The following KYAT3 variants were observed in gnomAD, a reference collection of about 807,000 sequenced individuals.
The protein encoded by KYAT3 is kynurenine aminotransferase 3.
Under a neutral mutation model 59.0 loss-of-function variants are expected in KYAT3, and 50 were observed. The observed-to-expected ratio is 0.85, with a 90% confidence interval of 0.68 to 1.07. The LOEUF (loss-of-function observed/expected upper bound fraction) is 1.07, where lower values mean the gene tolerates loss of function less well. KYAT3 is among the 50% of genes least tolerant of loss of function. The probability of loss-of-function intolerance (pLI) is 0.00; values close to 1 mark genes in which losing one functional copy is unlikely to be tolerated. For missense variants in KYAT3, 497 were observed against 533.3 expected (o/e 0.93, Z 0.67); for synonymous variants, 148 against 177.0 (o/e 0.84, Z 1.30).
downstream of KYAT3, among the ~76,000 whole-genome samples, chr1:88,931,213 C>T (rs1012085209): frequency 6.6e-6 from 1 of 152,208 alleles, no homozygotes; most frequent in Non-Finnish European, 1.5e-5. Flanking sequence ...AACTATCAAG[C>T]AGATAGTCAG....
chr1:88,953,545 C>CAAAAAAGAAAAAAAAAAAA (rs1675769065), intron 9 of KYAT3, among the ~76,000 whole-genome samples: 1 of 100,908 alleles, frequency 9.9e-6, no homozygotes. Flanking sequence ...GACTCTATCT[C>CAAAAAAGAAAAAAAAAAAA]AAAAAAAAAA....
In KYAT3 at chr1:88,936,212, T is replaced by C. The variant is rs776954604; in HGVS notation, c.1336A>G (p.Ile446Val). Reference protein sequence around the residue: ...DSTLDAAEEIIKAWSVQKS With the variant: ...DSTLDAAEEIVKAWSVQKS ...GACTTCTGTACACTCCATGCCTTGA[T>C]GATTTCTTCAGCAGCATCCAGTGTG... Residue 446 changes from isoleucine (I) to valine (V), a missense_variant, in exon 14 of 14, where the codon ATC becomes GTC. Around this residue, in one of 2 missense-constraint regions of KYAT3, gnomAD observed 28 missense variants for 54.2 expected, o/e 0.52. Transcript: ENST00000260508. The C allele has an allele frequency of 3.7e-6, 6 of 1,611,612 alleles. 1 individual carries two copies. The Admixed American group carries it at 6.7e-5, about 18-fold the overall frequency.
At chr1:88,988,009 G>A (rs1381788892) in intron 2 of KYAT3, among the ~76,000 whole-genome samples, 1 of 152,118 alleles carries the variant, frequency 6.6e-6, no homozygotes, top group African/African-American at 2.4e-5. Flanking sequence ...TAACTTGAAG[G>A]GTTTTGTGAA....
the KYAT3 span, among the ~76,000 whole-genome samples, chr1:88,930,052 A>G: frequency 6.6e-6 from 1 of 152,218 alleles, no homozygotes; most frequent in African/African-American, 2.4e-5. Context: ...TATATGTCAC[A>G]GAAAAAACCG....
intron 11 of KYAT3, among the ~76,000 whole-genome samples, chr1:88,946,574 ATGT>A (rs752262640): frequency 2.6e-5 from 4 of 152,208 alleles, no homozygotes; most frequent in Non-Finnish European, 5.9e-5. Flanking sequence ...TAAAGTACAA[ATGT>A]TGTTCTTTTA....
At chr1:88,988,470 G>A in intron 1 of KYAT3, 119 bp from the exon 2 acceptor site, 1 of 544,618 alleles carries the variant, frequency 1.8e-6, no homozygotes, top group Non-Finnish European at 3.2e-6. Flanking sequence ...AAACATTTTT[G>A]ATAAGTGAGT....
At chr1:88,964,606 T>C in intron 5 of KYAT3, 1 of 463,106 alleles carries the variant, frequency 2.2e-6, no homozygotes, top group Non-Finnish European at 4.0e-6. Flanking sequence ...TTCTGGGTAC[T>C]GGAAATGTAT....
rs758713900 is a variant in KYAT3 at position 88,949,106 on chromosome 1, C to G, written c.1126G>C (p.Asp376His). 6.3e-7 allele frequency: 1 copy of G among 1,589,702 alleles called. No individual in the cohort carries two copies. The highest frequency in any genetic ancestry group is 8.5e-7 in the Non-Finnish European group (1 of 1,172,234). The change falls in exon 11 of 14, where the codon GAT becomes CAT. Residue 376 changes from aspartate (D) to histidine (H), a missense_variant. Physicochemically the swap from Asp to His is moderately conservative, Grantham distance 81 (BLOSUM62 -1). Transcript: ENST00000260508. The stretch of plus-strand genomic sequence containing the variant: ...CTTTACAAACCTAGCAAAGACACAT[C>G]AGCGATGATGAAGTATCCTCCATCA... ...VPDGGYFIIA[D>H]VSLLDPDLSD...
chr1:88,947,969 G>A (rs1406723535), intron 11 of KYAT3, among the ~76,000 whole-genome samples: 3 of 152,146 alleles, frequency 2.0e-5, no homozygotes, highest in African/African-American at 7.2e-5. Context: ...GTGCATGCCT[G>A]TGGTCCCAGC....
At chr1:88,946,363 A>G (rs1273282753) in intron 11 of KYAT3, among the ~76,000 whole-genome samples, 1 of 150,730 alleles carries the variant, frequency 6.6e-6, no homozygotes, top group Admixed American at 6.6e-5. Context: ...GGATCTCACT[A>G]TGTTGCCCAG....
At chr1:88,972,364 C>T (rs1001127375) in intron 2 of KYAT3, among the ~76,000 whole-genome samples, 4 of 152,310 alleles carry the variant, frequency 2.6e-5, no homozygotes, top group Middle Eastern at 3.4e-3. Context: ...TATCTGGGTA[C>T]CAGGGCATAG....
intron 1 of KYAT3, among the ~76,000 whole-genome samples, chr1:88,990,795 T>G (rs1306221543): frequency 6.6e-6 from 1 of 152,216 alleles, no homozygotes; most frequent in Non-Finnish European, 1.5e-5. Flanking sequence ...TCAAGCTAGT[T>G]TACATCTGCA....
intron 2 of KYAT3, chr1:88,982,748 C>G (rs765204514): frequency 6.2e-7 from 1 of 1,613,940 alleles, no homozygotes. Context: ...GTAGGAATCA[C>G]GTGAAGAAGG....
At chr1:88,971,273 G>T (rs1676547086) in intron 2 of KYAT3, among the ~76,000 whole-genome samples, 1 of 152,072 alleles carries the variant, frequency 6.6e-6, no homozygotes, top group Non-Finnish European at 1.5e-5. Flanking sequence ...GCACTTTCAG[G>T]TTTAATTTTC....
chr1:88,943,099 A>G lies in KYAT3; in HGVS notation c.1216-8T>C. ...GGGGATGGCTGATAGTTTCTGAAAA[A>G]TAAATAGAAACATATAATAAGAAAA... On this transcript the variant is annotated splice_region_variant and splice_polypyrimidine_tract_variant and intron_variant, in intron 12 of 13. Coordinates refer to ENST00000260508, the MANE Select transcript of KYAT3 (RefSeq NM_001008661.3). The G allele has an allele frequency of 6.3e-7, 1 of 1,588,764 alleles. No individual in the cohort carries two copies. The highest frequency in any genetic ancestry group is 8.6e-7 in the Non-Finnish European group (1 of 1,158,324).
chr1:88,966,826 CAT>C (rs200337462), intron 4 of KYAT3, among the ~76,000 whole-genome samples: 2,614 of 152,158 alleles, frequency 0.017, 43 homozygotes, highest in South Asian at 0.041. Context: ...GTAGGTTTCT[CAT>C]AGATTCCTTT....
intron 2 of KYAT3, among the ~76,000 whole-genome samples, chr1:88,975,061 A>G (rs999766189): frequency 1.3e-5 from 2 of 152,174 alleles, no homozygotes; most frequent in East Asian, 3.9e-4. Context: ...TTGGGTCCGC[A>G]CCACCTTTAA....
At chr1:88,986,098 T>G (rs552912883) in intron 2 of KYAT3, among the ~76,000 whole-genome samples, 1 of 151,644 alleles carries the variant, frequency 6.6e-6, no homozygotes, top group South Asian at 2.1e-4. Context: ...GGAGAATTGC[T>G]TGAACCCGAG....
intron 13 of KYAT3, among the ~76,000 whole-genome samples, chr1:88,939,409 C>T (rs1675156554): frequency 1.3e-5 from 2 of 152,132 alleles, no homozygotes; most frequent in Non-Finnish European, 2.9e-5. Flanking sequence ...ACACTATCTG[C>T]CAATATTGAC....
Sources: gnomAD v4.1 joint callset for allele counts (sites outside exome capture counted in the v4.1 genomes callset) on GRCh38, gnomAD v4.1.1 for gene constraint, gnomAD v4.1.1 regional missense constraint, MANE v1.5 for transcripts, NCBI Gene and HGNC (gene_info 2026-07-23, HGNC 2026-07-21) for gene names.